The following STPG2 variants were observed in gnomAD, a reference collection of about 807,000 sequenced individuals.
STPG2 encodes sperm-tail PG-rich repeat-containing protein 2.
A neutral mutation model predicts 54.2 loss-of-function variants in STPG2; 56 were observed. The observed-to-expected ratio is 1.03, with a 90% CI of 0.83 to 1.29. The LOEUF is 1.29. STPG2 is among the 50% of genes most tolerant of loss of function. The pLI is 0.00. For synonymous variants in STPG2, 200 were observed against 181.8 expected (o/e 1.10, Z -0.81); for missense variants, 596 against 544.9 (o/e 1.09, Z -0.93).
chr4:97,932,252 G>A (rs903549793), intron 8 of STPG2, among the ~76,000 whole-genome samples: 10 of 152,030 alleles, frequency 6.6e-5, no homozygotes, highest in African/African-American at 1.2e-4. Context: ...GTTTAGCTCC[G>A]ATTTTTGCTA....
At chr4:97,686,489 G>A (rs890660040) in intron 10 of STPG2, among the ~76,000 whole-genome samples, 1 of 152,094 alleles carries the variant, frequency 6.6e-6, no homozygotes, top group Non-Finnish European at 1.5e-5. Context: ...AATTAGGGCT[G>A]TTCACTTCCT....
chr4:97,969,549 C>A (rs1734246953), intron 7 of STPG2, among the ~76,000 whole-genome samples: 1 of 152,138 alleles, frequency 6.6e-6, no homozygotes. Flanking sequence ...TCTTGACCTG[C>A]CGATCCACCT....
At chr4:97,779,927 A>G (rs1039638879) in intron 9 of STPG2, among the ~76,000 whole-genome samples, 3 of 152,036 alleles carry the variant, frequency 2.0e-5, no homozygotes, top group Non-Finnish European at 4.4e-5. Context: ...AGCTCCTGAA[A>G]GAAGCACTAA....
chr4:98,010,175 G>A (rs1441637818), intron 5 of STPG2, among the ~76,000 whole-genome samples: 3 of 150,958 alleles, frequency 2.0e-5, no homozygotes, highest in South Asian at 2.1e-4. Context: ...CTAGATCCCC[G>A]AGCTTCATTT....
chr4:97,906,991 A>T (rs1731453744), intron 8 of STPG2, among the ~76,000 whole-genome samples: 1 of 150,044 alleles, frequency 6.7e-6, no homozygotes, highest in African/African-American at 2.4e-5. Context: ...ACTCCTATTC[A>T]ACATAGTGTT....
intron 8 of STPG2, among the ~76,000 whole-genome samples, chr4:97,886,395 T>C (rs1413309648): frequency 6.6e-6 from 1 of 152,182 alleles, no homozygotes; most frequent in Non-Finnish European, 1.5e-5. Context: ...CCAAAGATTT[T>C]AAATGCAGCC....
At chr4:97,750,036 T>C (rs1578532777) in intron 9 of STPG2, among the ~76,000 whole-genome samples, 1 of 151,806 alleles carries the variant, frequency 6.6e-6, no homozygotes, top group African/African-American at 2.4e-5. Flanking sequence ...AAACCATGCA[T>C]ATAATACAAA....
At chr4:97,632,181 T>C (rs1475398328) in intron 10 of STPG2, among the ~76,000 whole-genome samples, 1 of 151,980 alleles carries the variant, frequency 6.6e-6, no homozygotes, top group African/African-American at 2.4e-5. Flanking sequence ...ATAAACTCCA[T>C]TTCATCCTTA....
At chr4:98,019,095 T>G (rs1295182474) in intron 5 of STPG2, among the ~76,000 whole-genome samples, 2 of 152,164 alleles carry the variant, frequency 1.3e-5, no homozygotes, top group Admixed American at 6.5e-5. Context: ...TCCTTGCCCA[T>G]GCCGATGTCC....
At chr4:97,828,866 G>T (rs1413452946) in intron 9 of STPG2, among the ~76,000 whole-genome samples, 1 of 152,154 alleles carries the variant, frequency 6.6e-6, no homozygotes, top group Non-Finnish European at 1.5e-5. Flanking sequence ...AAAGGCAGCT[G>T]CCCTGGTTAG....
chr4:97,617,225 G>T (rs1353642116), intron 10 of STPG2, among the ~76,000 whole-genome samples: 1 of 151,566 alleles, frequency 6.6e-6, no homozygotes, highest in Non-Finnish European at 1.5e-5. Context: ...CCAATATCTG[G>T]CATTAATTAA....
At chr4:97,861,811 C>T (rs1427259776) in intron 8 of STPG2, among the ~76,000 whole-genome samples, 7 of 152,016 alleles carry the variant, frequency 4.6e-5, no homozygotes, top group Non-Finnish European at 1.5e-5. Flanking sequence ...AATTTCATAT[C>T]CAGCCAAACT....
At chr4:98,074,991 A>G (rs1181192888) in intron 5 of STPG2, among the ~76,000 whole-genome samples, 1 of 152,174 alleles carries the variant, frequency 6.6e-6, no homozygotes, top group African/African-American at 2.4e-5. Flanking sequence ...GAGAGGATTT[A>G]ATGTCTGTCT....
At chr4:97,627,785 G>A (rs1484678096) in intron 10 of STPG2, among the ~76,000 whole-genome samples, 3 of 152,058 alleles carry the variant, frequency 2.0e-5, no homozygotes, top group African/African-American at 7.2e-5. Context: ...ACATAACACT[G>A]GTAGCTAAGA....
intron 9 of STPG2, among the ~76,000 whole-genome samples, chr4:97,818,317 G>GT (rs1172473970): frequency 6.6e-6 from 1 of 151,786 alleles, no homozygotes; most frequent in Non-Finnish European, 1.5e-5. Context: ...TAAATACTAT[G>GT]TTTTTTCCTA....
At chr4:97,863,509 T>A (rs1349462256) in intron 8 of STPG2, among the ~76,000 whole-genome samples, 1 of 152,226 alleles carries the variant, frequency 6.6e-6, no homozygotes, top group African/African-American at 2.4e-5. Flanking sequence ...AGCCGAATTC[T>A]ACCAGAGGTA....
At chr4:97,940,113 A>G (rs1420174977) in intron 8 of STPG2, among the ~76,000 whole-genome samples, 4 of 152,048 alleles carry the variant, frequency 2.6e-5, no homozygotes, top group African/African-American at 7.2e-5. Context: ...TCTTTAAGAA[A>G]GTTGAATATA....
chr4:97,969,026 G>A (rs1734220825), intron 7 of STPG2, among the ~76,000 whole-genome samples: 1 of 152,168 alleles, frequency 6.6e-6, no homozygotes, highest in African/African-American at 2.4e-5. Flanking sequence ...ACAGACGCAT[G>A]AAGGGCGCCT....
chr4:97,983,566 T>C (rs1734741895), intron 5 of STPG2, among the ~76,000 whole-genome samples: 2 of 152,202 alleles, frequency 1.3e-5, no homozygotes, highest in Non-Finnish European at 2.9e-5. Context: ...TATTGTTTCC[T>C]ATGTCCCTGT....
Sources: allele counts gnomAD v4.1 joint callset (sites outside exome capture counted in the v4.1 genomes callset), GRCh38; gene constraint gnomAD v4.1.1; transcripts MANE v1.5; gene names NCBI Gene and HGNC (gene_info 2026-07-23, HGNC 2026-07-21).